Variants in SMIM22 observed in about 807,000 individuals in gnomAD.
SMIM22 encodes the protein cancer associated small integral membrane open reading frame 1.
In SMIM22, 16 loss-of-function variants were observed where a neutral mutation model predicts 8.4. That is an observed-to-expected ratio of 1.90 (90% CI 1.29 to 2.89). SMIM22 has a LOEUF of 2.89. Among genes scored for constraint, SMIM22 ranks in the 30% most tolerant of loss-of-function variants. SMIM22 has a pLI of 0.00. For missense variants in SMIM22, 159 were observed against 107.5 expected (o/e 1.48, Z -2.12); for synonymous variants, 67 against 47.6 (o/e 1.41, Z -1.68).
intron 1 of SMIM22, 69 bp downstream of exon 1, chr16:4,795,518 G>A (rs915250440): frequency 1.2e-5 from 8 of 640,912 alleles, no homozygotes; most frequent in South Asian, 8.1e-5. Context: ...CTGGGGAGAA[G>A]GTTGTCAGGG....
chr16:4,791,036 C>T (rs76701440), upstream of SMIM22, among the ~76,000 whole-genome samples: 6,770 of 152,260 alleles, frequency 0.044, 144 homozygotes, highest in Middle Eastern at 0.061. Flanking sequence ...GTGATGGTGA[C>T]GTGTGGACTG....
chr16:4,794,422 ATC>A (rs2082600686), upstream of SMIM22, among the ~76,000 whole-genome samples: 2 of 130,752 alleles, frequency 1.5e-5, no homozygotes, highest in African/African-American at 3.0e-5. Flanking sequence ...TTGTATTTTT[ATC>A]TTTTTTTTTT....
upstream of SMIM22, among the ~76,000 whole-genome samples, chr16:4,791,320 G>A (rs551145303): frequency 6.6e-6 from 1 of 152,180 alleles, no homozygotes; most frequent in Non-Finnish European, 1.5e-5. Context: ...TCTATGCAGC[G>A]TGACTATGGT....
upstream of SMIM22, among the ~76,000 whole-genome samples, chr16:4,791,124 G>A (rs1004936451): frequency 2.0e-5 from 3 of 152,228 alleles, no homozygotes; most frequent in African/African-American, 7.2e-5. Context: ...CTTTCTCCAG[G>A]AAAATCCTCC....
rs1367523652 is a variant in SMIM22, at chr16:4,795,951, C to T, written c.128C>T (p.Thr43Ile). The change falls in exon 3 of 4, where the codon ACC (threonine) becomes ATC (isoleucine). Residue 43 changes from threonine (T) to isoleucine (I), a missense_variant. Transcript: ENST00000586005. ...TGGACGCCTGTCCTGTCCCCAGGCA[C>T]CGTGCTGCTCCTGCTGCTGCTGGTC... The part of the protein sequence containing the change: ...AFIVFLTFMG[T>I]VLLLLLLVVA... 6.6e-7 allele frequency: 1 copy of T among 1,506,300 alleles called. No homozygotes were observed. Among genetic ancestry groups the T allele is most frequent in the South Asian group, 1.3e-5 (1 of 79,276 alleles). 93.3% of individuals were successfully genotyped at this position (1,506,300 alleles called of 1,614,324 possible).
Position 4,795,488 on chromosome 16 carries a change from G to C in SMIM22, c.-21+39G>C, listed in dbSNP as rs78634832. ...TGGGGGCTGGGCTGCCAGGGGGAGA[G>C]AGAGGGGAGATGACAGTGGCTGGGG... On this transcript the variant is annotated intron_variant, in intron 1 of 3. Transcript: ENST00000586005. 524 of 555,040 alleles carry C rather than the reference G, an allele frequency of 9.4e-4. 3 individuals are homozygous for C. The highest frequency in any genetic ancestry group is 8.9e-3 in the African/African-American group (466 of 52,218). 34.4% of individuals were successfully genotyped at this position (555,040 alleles called of 1,614,324 possible).
intron 2 of SMIM22, chr16:4,790,092 T>C (rs986401218): frequency 1.3e-5 from 2 of 151,878 alleles, no homozygotes; most frequent in African/African-American, 4.8e-5. Flanking sequence ...TTTTTTACTT[T>C]TTGTAGAGAT....
rs1052497700 is a variant in SMIM22 at position 4,795,722 on chromosome 16, G to C, written c.-13G>C. 20 of 1,534,966 alleles carry C rather than the reference G, an allele frequency of 1.3e-5. No homozygotes were observed. In the East Asian group the frequency reaches 4.4e-4, roughly 34 times the overall value. Reference sequence around the variant, plus strand: ...TCTGGGGGACCGGGGCAGGTGGCACGGTGCACGCCAAGATGGCTGTGTCCA... The same window carrying C: ...TCTGGGGGACCGGGGCAGGTGGCACCGTGCACGCCAAGATGGCTGTGTCCA... On this transcript the variant is annotated 5_prime_UTR_variant, in exon 2 of 4. Transcript: ENST00000586005.
At chr16:4,789,918 T>C (rs544242817) in intron 2 of SMIM22, 7 of 151,922 alleles carry the variant, frequency 4.6e-5, no homozygotes, top group East Asian at 1.9e-4. Context: ...TCTTTCTTTT[T>C]TTTTTTTCTT....
upstream of SMIM22, among the ~76,000 whole-genome samples, chr16:4,792,083 C>T (rs940061218): frequency 6.6e-6 from 1 of 152,094 alleles, no homozygotes; most frequent in Non-Finnish European, 1.5e-5. Context: ...AAACAAGGTA[C>T]CCAGAGAGAC....
exon 1 of SMIM22, chr16:4,788,463 C>T (rs1362950857): frequency 6.6e-6 from 1 of 152,288 alleles, no homozygotes; most frequent in East Asian, 1.9e-4. Flanking sequence ...CCCTTCTAAT[C>T]CCCACAATGA....
chr16:4,788,985 C>G (rs1007062752), intron 2 of SMIM22, among the ~76,000 whole-genome samples: 2 of 152,194 alleles, frequency 1.3e-5, no homozygotes, highest in Non-Finnish European at 2.9e-5. Context: ...GTGGTCCTCA[C>G]CCCTGCCTTA....
upstream of SMIM22, among the ~76,000 whole-genome samples, chr16:4,791,577 G>C (rs2082551662): frequency 6.6e-6 from 1 of 152,158 alleles, no homozygotes; most frequent in Admixed American, 6.5e-5. Flanking sequence ...TGGGTCTTAT[G>C]GCATGCAATC....
chr16:4,794,578 G>A (rs943957504), upstream of SMIM22, among the ~76,000 whole-genome samples: 10 of 152,128 alleles, frequency 6.6e-5, no homozygotes, highest in South Asian at 4.1e-4. Context: ...GTGCCACCAC[G>A]CCTGGCTAAT....
upstream of SMIM22, among the ~76,000 whole-genome samples, chr16:4,790,685 G>A (rs886685765): frequency 1.3e-5 from 2 of 152,196 alleles, no homozygotes; most frequent in Non-Finnish European, 2.9e-5. Context: ...CTACTTGGGA[G>A]GCTGAGGCAG....
chr16:4,795,421 T>G lies in SMIM22; in HGVS notation c.-49T>G. The G allele has an allele frequency of 2.8e-6, 1 of 359,208 alleles. No homozygotes were observed. Among genetic ancestry groups the G allele is most frequent in the East Asian group, 6.5e-5 (1 of 15,470 alleles). 22.3% of individuals were successfully genotyped at this position (359,208 alleles called of 1,614,324 possible). A position where few individuals can be genotyped will look rare whatever the true frequency, so the allele number is the denominator to read the frequency against. On this transcript the variant is annotated 5_prime_UTR_variant, in exon 1 of 4. Transcript: ENST00000586005. ...CAGCCTGTGCTCCCCAGGACCTGCC[T>G]GGTTGGGGGAATTGGAGGCTTCTAG...
Position 4,795,771 on chromosome 16 carries a change from C to G in SMIM22, c.37C>G (p.Gln13Glu). 6.5e-7 allele frequency: 1 copy of G among 1,535,984 alleles called. No individual in the cohort carries two copies. The highest frequency in any genetic ancestry group is 8.7e-7 in the Non-Finnish European group (1 of 1,146,818). Residue 13 changes from glutamine (Q) to glutamate (E), a missense_variant, in exon 2 of 4, where the codon CAG becomes GAG. Gln to Glu is a conservative substitution (Grantham distance 29). Transcript: ENST00000586005. ...CACAGAGGAGCTGGAGGCCACGGTT[C>G]AGGAAGTCCTGGGGAGACTGAAGAG... ...VSTEELEATV[Q>E]EVLGRLKSHQ...
upstream of SMIM22, among the ~76,000 whole-genome samples, chr16:4,793,535 G>GAGCC (rs1236252552): frequency 6.6e-6 from 1 of 152,188 alleles, no homozygotes; most frequent in Admixed American, 6.6e-5. Context: ...GCTCGATGCA[G>GAGCC]AGCCCCACAT....
upstream of SMIM22, among the ~76,000 whole-genome samples, chr16:4,794,587 A>G (rs899684569): frequency 3.3e-5 from 5 of 151,760 alleles, no homozygotes; most frequent in African/African-American, 7.3e-5. Flanking sequence ...CGCCTGGCTA[A>G]TTTTGTATTT....
Sources: allele counts gnomAD v4.1 joint callset (sites outside exome capture counted in the v4.1 genomes callset), GRCh38; gene constraint gnomAD v4.1.1; transcripts MANE v1.5; gene names NCBI Gene and HGNC (gene_info 2026-07-23, HGNC 2026-07-21).